Variants in YJEFN3 observed in about 807,000 individuals in gnomAD.
YJEFN3 encodes the protein YjeF N-terminal domain containing 3.
Under a neutral mutation model 31.5 loss-of-function variants are expected in YJEFN3, and 29 were observed. That is an observed-to-expected ratio of 0.92 (90% CI 0.69 to 1.26). YJEFN3 has a LOEUF of 1.26. YJEFN3 is among the 50% of genes most tolerant of loss of function. The probability of loss-of-function intolerance (pLI) is 0.00; values close to 1 mark genes in which losing one functional copy is unlikely to be tolerated. For synonymous variants in YJEFN3, 227 were observed against 196.1 expected (o/e 1.16, Z -1.32); for missense variants, 442 against 425.4 (o/e 1.04, Z -0.34).
At chr19:19,533,525 T>C in intron 3 of YJEFN3, 1 of 702,532 alleles carries the variant, frequency 1.4e-6, no homozygotes, top group Non-Finnish European at 1.7e-6. Context: ...CGCCCCTTTC[T>C]TCTCTCCTTT....
In YJEFN3 at chr19:19,535,362, C is replaced by G. The variant is rs1053538392; in HGVS notation, c.455C>G (p.Pro152Arg). ...VFEYEPTIFY[P>R]TRSLDLLHRD... is the part of the protein sequence containing the mutation. ...GAGTATGAACCCACCATCTTCTACC[C>G]CACACGCTCGCTGGACCTGCTGCAT... The change falls in exon 5 of 7, where the codon CCC becomes CGC. Residue 152 changes from proline to arginine, a missense_variant. By Grantham distance (103) the Pro-to-Arg change is moderately radical (BLOSUM62 -2). Transcript: ENST00000514277. 1 of 1,613,846 alleles carries G rather than the reference C, an allele frequency of 6.2e-7. No homozygotes were observed. The highest frequency in any genetic ancestry group is 1.3e-5 in the African/African-American group (1 of 74,918).
chr19:19,530,302 G>T lies in YJEFN3; in HGVS notation c.209+789G>T, dbSNP rs1395381810. On this transcript the variant is annotated intron_variant, in intron 2 of 6. Coordinates refer to ENST00000514277, the MANE Select transcript of YJEFN3 (RefSeq NM_198537.4). ...CAAAAGGCACCACTGAACACCCCCA[G>T]AATCCCACAACAGCAGAAGGGACCT... is the stretch of plus-strand genomic sequence containing the variant. Among the ~76,000 whole-genome samples the T allele has an allele frequency of 2.0e-5, 3 of 152,004 alleles. No homozygotes were observed. The South Asian group carries it at 6.2e-4, about 31-fold the overall frequency.
intron 6 of YJEFN3, 180 bp downstream of exon 6, chr19:19,535,859 C>T: frequency 1.3e-6 from 1 of 777,178 alleles, no homozygotes; most frequent in East Asian, 2.7e-5. Flanking sequence ...GAGGCTGCCA[C>T]CCCAGGTGAC....
chr19:19,535,314 A>G (rs1600368840), intron 4 of YJEFN3, 23 bp from the exon 5 acceptor site: 7 of 1,605,964 alleles, frequency 4.4e-6, no homozygotes, highest in Non-Finnish European at 6.0e-6. Context: ...GGGGAGTCTG[A>G]CCCCCTCTTC....
At position 19,537,251 on chromosome 19, in the gene YJEFN3, G is replaced by C. The variant is rs1002156629; in HGVS notation, c.695-68G>C. On this transcript the variant is annotated intron_variant, in intron 6 of 6. Coordinates refer to ENST00000514277, the MANE Select transcript of YJEFN3 (RefSeq NM_198537.4). ...GGGGAGAGGAGAGGAGGCAGGGACA[G>C]GATGGACTCTAGGCTGAGGGCAGGC... 32 of 1,415,556 alleles carry C rather than the reference G, an allele frequency of 2.3e-5. No homozygotes were observed. In the Middle Eastern group the frequency reaches 1.3e-3, roughly 56 times the overall value. The allele number at this position is 1,415,556 out of a possible 1,614,324, so 87.7% of individuals were successfully genotyped here.
intron 2 of YJEFN3, among the ~76,000 whole-genome samples, chr19:19,530,034 G>C (rs755583469): frequency 6.6e-6 from 1 of 152,190 alleles, no homozygotes; most frequent in Non-Finnish European, 1.5e-5. Context: ...GTGATCCCCC[G>C]TGGTGGTCTG....
chr19:19,536,345 G>T (rs1568366661), intron 6 of YJEFN3, among the ~76,000 whole-genome samples: 1 of 152,286 alleles, frequency 6.6e-6, no homozygotes, highest in African/African-American at 2.4e-5. Context: ...TCAGAGATAG[G>T]AGAGAAGGCA....
chr19:19,537,317 A>G lies in YJEFN3; in HGVS notation c.695-2A>G, dbSNP rs771495294. ...CAATCCCCCCGGACCCTCCTCCCTC[A>G]GGCTGGGACGCAGAGACCGGCAGCG... On this transcript the variant is annotated splice_acceptor_variant, in intron 6 of 6. Transcript: ENST00000514277. LOFTEE classifies it high-confidence loss of function. 1.3e-5 allele frequency: 20 copies of G among 1,586,052 alleles called. No individual in the cohort carries two copies. The highest frequency in any genetic ancestry group is 1.0e-4 in the Admixed American group (6 of 58,880).
chr19:19,531,573 G>A (rs192494726), intron 2 of YJEFN3, among the ~76,000 whole-genome samples: 6 of 152,026 alleles, frequency 3.9e-5, no homozygotes, highest in African/African-American at 1.4e-4. Context: ...CCACCACCAC[G>A]CCCAGCCTAG....
At chr19:19,533,419 C>A (rs2094952401) in intron 3 of YJEFN3, 2 of 986,236 alleles carry the variant, frequency 2.0e-6, no homozygotes, top group South Asian at 4.7e-5. Context: ...TCCTCCCCTG[C>A]CCTCCTCATC....
intron 3 of YJEFN3, chr19:19,533,753 C>T (rs971787163): frequency 5.3e-5 from 52 of 985,404 alleles, no homozygotes; most frequent in South Asian, 5.2e-4. Context: ...CCGGGTGAGG[C>T]GCCCAAAGGA....
intron 2 of YJEFN3, among the ~76,000 whole-genome samples, chr19:19,530,296 C>G (rs1044422042): frequency 1.3e-5 from 2 of 152,042 alleles, no homozygotes; most frequent in Non-Finnish European, 2.9e-5. Flanking sequence ...CCACTGAACA[C>G]CCCCAGAATC....
chr19:19,535,388 C>A lies in YJEFN3; in HGVS notation c.481C>A (p.Arg161=). The A allele has an allele frequency of 2.5e-6, 4 of 1,613,978 alleles. No individual in the cohort carries two copies. Among genetic ancestry groups the A allele is most frequent in the Non-Finnish European group, 3.4e-6 (4 of 1,179,982 alleles). Residue 161 remains arginine (R), a synonymous_variant, in exon 5 of 7, where the codon CGG becomes AGG. Transcript: ENST00000514277. Reference sequence around the variant, plus strand: ...CACACGCTCGCTGGACCTGCTGCATCGGGACCTGACCACCCAGTGCGAGAA... The same window carrying A: ...CACACGCTCGCTGGACCTGCTGCATAGGGACCTGACCACCCAGTGCGAGAA... ...YPTRSLDLLH[R]DLTTQCEKMD... is the part of the protein sequence containing the mutation.
intron 2 of YJEFN3, among the ~76,000 whole-genome samples, chr19:19,531,483 A>G (rs1417977989): frequency 1.3e-5 from 2 of 151,620 alleles, no homozygotes; most frequent in Non-Finnish European, 2.9e-5. Context: ...TGGCGTGATC[A>G]TAGCTCACTG....
At chr19:19,529,201 G>C in intron 1 of YJEFN3, 163 bp from the exon 2 acceptor site, 1 of 1,447,338 alleles carries the variant, frequency 6.9e-7, no homozygotes, top group East Asian at 2.5e-5. Flanking sequence ...GGGAATCCCG[G>C]GAATCCGAGA....
In YJEFN3 at chr19:19,535,892, C is replaced by T. The variant is rs920041126; in HGVS notation, c.694+213C>T. 3.1e-5 allele frequency: 21 copies of T among 675,140 alleles called. No homozygotes were observed. In the Admixed American group the frequency reaches 4.6e-4, roughly 15 times the overall value. 41.8% of individuals were successfully genotyped at this position (675,140 alleles called of 1,614,324 possible). A position where few individuals can be genotyped will look rare whatever the true frequency, so the allele number is the denominator to read the frequency against. Reference sequence around the variant, plus strand: ...GACCCCAGGTCTCCTCTTTCCTCCACCCCAGTGCCCAGCCCACATGCCCTC... The same window carrying T: ...GACCCCAGGTCTCCTCTTTCCTCCATCCCAGTGCCCAGCCCACATGCCCTC... On this transcript the variant is annotated intron_variant, in intron 6 of 6. Coordinates refer to ENST00000514277, the MANE Select transcript of YJEFN3 (RefSeq NM_198537.4).
chr19:19,529,151 G>T (rs945211398), intron 1 of YJEFN3, 160 bp downstream of exon 1: 34 of 1,460,806 alleles, frequency 2.3e-5, no homozygotes, highest in African/African-American at 7.1e-5. Context: ...GCATGACCAC[G>T]GTGGGGAACC....
Position 19,535,351 on chromosome 19 carries a change from C to T in YJEFN3, c.444C>T (p.Thr148=), listed in dbSNP as rs2061197596. The change falls in exon 5 of 7, where the codon ACC becomes ACT. Residue 148 remains threonine, a synonymous_variant. Coordinates refer to ENST00000514277, the MANE Select transcript of YJEFN3 (RefSeq NM_198537.4). ...CCCACCCCCAGGAGTATGAACCCAC[C>T]ATCTTCTACCCCACACGCTCGCTGG... ...RHLRVFEYEP[T]IFYPTRSLDL... 8.7e-6 allele frequency: 14 copies of T among 1,613,852 alleles called. No homozygotes were observed. Among genetic ancestry groups the T allele is most frequent in the Admixed American group, 1.7e-5 (1 of 60,006 alleles).
intron 3 of YJEFN3, chr19:19,533,781 C>T (rs997940915): frequency 5.8e-5 from 57 of 985,288 alleles, no homozygotes; most frequent in Middle Eastern, 1.0e-3. Context: ...AATCAAAACC[C>T]CAGAAAGAAA....
Sources: gnomAD v4.1 joint callset for allele counts (sites outside exome capture counted in the v4.1 genomes callset) on GRCh38, gnomAD v4.1.1 for gene constraint, MANE v1.5 for transcripts, NCBI Gene and HGNC (gene_info 2026-07-23, HGNC 2026-07-21) for gene names.